The following SAMD3 variants were observed in gnomAD, a reference collection of about 807,000 sequenced individuals.
SAMD3 encodes sterile alpha motif domain-containing protein 3.
In SAMD3, 63 loss-of-function variants were observed where a neutral mutation model predicts 58.5. The observed-to-expected ratio is 1.08, with a 90% CI of 0.88 to 1.33. The LOEUF is 1.33. SAMD3 is among the 40% of genes most tolerant of loss of function. The pLI, the probability that SAMD3 is intolerant of heterozygous loss-of-function variation, is 0.00. For synonymous variants in SAMD3, 220 were observed against 210.3 expected (o/e 1.05, Z -0.40); for missense variants, 604 against 608.4 (o/e 0.99, Z 0.08).
At chr6:130,257,865 C>G (rs1327722421) in intron 2 of SAMD3, among the ~76,000 whole-genome samples, 1 of 152,058 alleles carries the variant, frequency 6.6e-6, no homozygotes, top group African/African-American at 2.4e-5. Flanking sequence ...AAGGTAAACA[C>G]TATTCTGTCT....
At chr6:130,204,664 T>C (rs1233430337) in intron 5 of SAMD3, among the ~76,000 whole-genome samples, 2 of 151,694 alleles carry the variant, frequency 1.3e-5, no homozygotes, top group East Asian at 3.9e-4. Flanking sequence ...CACAGCACTC[T>C]AGTGTTTCCT....
At chr6:130,230,587 T>C (rs1796517043) in intron 2 of SAMD3, among the ~76,000 whole-genome samples, 1 of 151,996 alleles carries the variant, frequency 6.6e-6, no homozygotes, top group South Asian at 2.1e-4. Flanking sequence ...CAGGTTTCAC[T>C]ATGTTGGCCA....
intron 8 of SAMD3, among the ~76,000 whole-genome samples, chr6:130,171,036 G>T (rs894904393): frequency 9.9e-5 from 15 of 152,138 alleles, no homozygotes; most frequent in African/African-American, 3.4e-4. Context: ...CAAAGGGAAT[G>T]CTTCCAGCTT....
At chr6:130,339,433 G>A (rs900542906) in intron 1 of SAMD3, among the ~76,000 whole-genome samples, 2 of 152,118 alleles carry the variant, frequency 1.3e-5, no homozygotes, top group African/African-American at 4.8e-5. Flanking sequence ...ATAGGGGTGG[G>A]TTCCTCCATG....
chr6:130,143,864 A>G (rs550400411), downstream of SAMD3: 1 of 152,590 alleles, frequency 6.6e-6, no homozygotes, highest in East Asian at 1.9e-4. Context: ...GGCAGTAGCC[A>G]GTTGGGCATG....
intron 2 of SAMD3, among the ~76,000 whole-genome samples, chr6:130,297,910 T>C (rs563990734): frequency 1.1e-4 from 16 of 152,260 alleles, no homozygotes; most frequent in African/African-American, 3.6e-4. Flanking sequence ...TTTACTGACA[T>C]TGGCATTCCT....
chr6:130,263,280 A>G (rs980627913), intron 2 of SAMD3, among the ~76,000 whole-genome samples: 4 of 152,362 alleles, frequency 2.6e-5, no homozygotes, highest in Admixed American at 1.3e-4. Flanking sequence ...TAAAAATTAT[A>G]TACTTGGTTT....
At chr6:130,238,920 G>C (rs1562474851) in intron 2 of SAMD3, among the ~76,000 whole-genome samples, 1 of 151,974 alleles carries the variant, frequency 6.6e-6, no homozygotes, top group Non-Finnish European at 1.5e-5. Flanking sequence ...CACCACACCT[G>C]GCTAATTTTT....
At chr6:130,174,409 G>A (rs1791538779) in intron 8 of SAMD3, among the ~76,000 whole-genome samples, 1 of 152,176 alleles carries the variant, frequency 6.6e-6, no homozygotes, top group South Asian at 2.1e-4. Context: ...CTTTGGCTTG[G>A]GGAAGGAGGT....
chr6:130,329,385 C>T (rs1348135946), intron 1 of SAMD3, among the ~76,000 whole-genome samples: 1 of 151,842 alleles, frequency 6.6e-6, no homozygotes, highest in Admixed American at 6.6e-5. Flanking sequence ...TCCATTTTCA[C>T]ATAAAAAGCA....
intron 1 of SAMD3, among the ~76,000 whole-genome samples, chr6:130,322,301 G>A (rs1027188560): frequency 1.3e-5 from 2 of 152,116 alleles, no homozygotes; most frequent in African/African-American, 2.4e-5. Context: ...TTCTTTTTCT[G>A]CCCAAGCCAG....
intron 2 of SAMD3, among the ~76,000 whole-genome samples, chr6:130,283,347 T>C (rs1215956916): frequency 2.0e-5 from 3 of 152,162 alleles, no homozygotes; most frequent in Non-Finnish European, 1.5e-5. Flanking sequence ...AGGTAATGGC[T>C]GAGAGTTTTC....
chr6:130,320,506 T>C (rs954913631), intron 1 of SAMD3, among the ~76,000 whole-genome samples: 4 of 152,174 alleles, frequency 2.6e-5, no homozygotes, highest in African/African-American at 7.2e-5. Flanking sequence ...AAGATACATA[T>C]AGCTGCTGTA....
At chr6:130,219,278 C>T (rs142938307) in intron 1 of SAMD3, among the ~76,000 whole-genome samples, 7 of 152,214 alleles carry the variant, frequency 4.6e-5, no homozygotes, top group South Asian at 2.1e-4. Context: ...TGTCTCTATA[C>T]GTTATGCTAA....
At chr6:130,203,226 C>T (rs1794802110) in intron 5 of SAMD3, among the ~76,000 whole-genome samples, 1 of 151,784 alleles carries the variant, frequency 6.6e-6, no homozygotes, top group Non-Finnish European at 1.5e-5. Flanking sequence ...AGTGACTACC[C>T]AGACAAGAAC....
At position 130,282,275 on chromosome 6, in the gene SAMD3, G is replaced by C. The variant is rs186340709; in HGVS notation, c.-188+30703C>G. Among the ~76,000 whole-genome samples, 6 of 152,274 alleles carry C rather than the reference G, an allele frequency of 3.9e-5. No individual in the cohort carries two copies. The East Asian group carries it at 1.2e-3, about 29-fold the overall frequency. On this transcript the variant is annotated intron_variant, in intron 2 of 13. Transcript: ENST00000368134. ...AATGGCCTTGTGTTCTAGTCCTAAA[G>C]AGATGGTAGTCTTAAGGAGATAACA... is the stretch of plus-strand genomic sequence containing the variant.
At chr6:130,342,567 T>C (rs1286312567) in intron 1 of SAMD3, among the ~76,000 whole-genome samples, 6 of 152,186 alleles carry the variant, frequency 3.9e-5, no homozygotes, top group Admixed American at 1.3e-4. Flanking sequence ...ATTTCTCTTC[T>C]TTAAAAAACA....
At position 130,183,442 on chromosome 6, in the gene SAMD3, G is replaced by A. The variant is rs1205890713; in HGVS notation, c.654+661C>T. On this transcript the variant is annotated intron_variant, in intron 7 of 11. Transcript: ENST00000439090. ...CAGAGATCTGACAGGGCCAGGTAAG[G>A]CTGGAGGCCCAGACCTCAAAGCCAG... 6 of 442,892 alleles carry A rather than the reference G, an allele frequency of 1.4e-5. 1 individual carries two copies. Among genetic ancestry groups the A allele is most frequent in the South Asian group, 9.8e-5 (6 of 61,238 alleles). The allele number at this position is 442,892 out of a possible 1,614,324, so 27.4% of individuals were successfully genotyped here. A position where few individuals can be genotyped will look rare whatever the true frequency, so the allele number is the denominator to read the frequency against.
intron 5 of SAMD3, among the ~76,000 whole-genome samples, chr6:130,207,337 C>T (rs1013274313): frequency 6.6e-6 from 1 of 152,080 alleles, no homozygotes; most frequent in East Asian, 1.9e-4. Context: ...TGTGCTTCCA[C>T]TCTGCTTGGA....
Sources: allele counts gnomAD v4.1 joint callset (sites outside exome capture counted in the v4.1 genomes callset), GRCh38; gene constraint gnomAD v4.1.1; transcripts MANE v1.5; gene names NCBI Gene and HGNC (gene_info 2026-07-23, HGNC 2026-07-21).